The following PRKN variants were observed in gnomAD, a reference collection of about 807,000 sequenced individuals.
PRKN encodes the protein parkin RBR E3 ubiquitin protein ligase.
Under a neutral mutation model 59.5 loss-of-function variants are expected in PRKN, and 56 were observed. That is an observed-to-expected ratio of 0.94 (90% CI 0.76 to 1.18). PRKN has a LOEUF of 1.18. Among genes scored for constraint, PRKN ranks in the 50% most tolerant of loss-of-function variants. PRKN has a pLI of 0.00. For missense variants in PRKN, 657 were observed against 596.4 expected, an observed-to-expected ratio of 1.10 and a Z score of -1.06; for synonymous variants, 250 against 222.1, an observed-to-expected ratio of 1.13 and a Z score of -1.12.
At chr6:161,495,542 TAAA>T (rs1340421279) in intron 9 of PRKN, among the ~76,000 whole-genome samples, 1 of 152,214 alleles carries the variant, frequency 6.6e-6, no homozygotes, top group Non-Finnish European at 1.5e-5. Context: ...GTTACGCCCT[TAAA>T]GAAGGCATGT....
rs540249872 is a variant in PRKN, at chr6:161,606,884, T to A, written c.872-37468A>T. Among the ~76,000 whole-genome samples, 2 of 152,318 alleles carry A rather than the reference T, an allele frequency of 1.3e-5. 1 individual carries two copies. The highest frequency in any genetic ancestry group is 4.1e-4 in the South Asian group (2 of 4,826). ...GGCAACTTTCCCTGCTTCCCCAGGC[T>A]GAAGACAAAATGTTCTTTTCCCAGA... On this transcript the variant is annotated intron_variant, in intron 7 of 11. Transcript: ENST00000366898.
chr6:161,811,876 C>T (rs373765131), intron 6 of PRKN, among the ~76,000 whole-genome samples: 19 of 151,490 alleles, frequency 1.3e-4, no homozygotes, highest in African/African-American at 3.9e-4. Flanking sequence ...GAGTTGAGAT[C>T]GTGTCTTTGC....
intron 1 of PRKN, among the ~76,000 whole-genome samples, chr6:162,537,986 G>A (rs558779582): frequency 1.3e-5 from 2 of 152,110 alleles, no homozygotes; most frequent in African/African-American, 2.4e-5. Context: ...GGACAGCTAC[G>A]ACATTATTGT....
chr6:162,547,960 T>C (rs1227386689), intron 1 of PRKN, among the ~76,000 whole-genome samples: 1 of 152,040 alleles, frequency 6.6e-6, no homozygotes, highest in Non-Finnish European at 1.5e-5. Flanking sequence ...TATTCCTCAT[T>C]AGGCTGTGCC....
chr6:162,067,129 C>T (rs56308575), intron 4 of PRKN, among the ~76,000 whole-genome samples: 5,753 of 152,126 alleles, frequency 0.038, 144 homozygotes, highest in Non-Finnish European at 0.054. Flanking sequence ...GGTTATACAA[C>T]GTAGAGCAAC....
At chr6:161,756,207 C>G (rs1788909923) in intron 7 of PRKN, among the ~76,000 whole-genome samples, 1 of 152,044 alleles carries the variant, frequency 6.6e-6, no homozygotes, top group South Asian at 2.1e-4. Context: ...TTTGGGAGGC[C>G]AAGGCAGGCA....
intron 6 of PRKN, among the ~76,000 whole-genome samples, chr6:161,892,471 G>A (rs1028910227): frequency 5.3e-5 from 8 of 151,974 alleles, no homozygotes; most frequent in African/African-American, 1.5e-4. Context: ...CCTTTTGTTC[G>A]GTGTATGACT....
At chr6:162,169,182 A>G (rs1353577644) in intron 4 of PRKN, among the ~76,000 whole-genome samples, 1 of 152,168 alleles carries the variant, frequency 6.6e-6, no homozygotes, top group East Asian at 1.9e-4. Context: ...CCTTGTTTGG[A>G]TTTTGGTTTT....
At chr6:161,621,428 G>A (rs969165351) in intron 7 of PRKN, among the ~76,000 whole-genome samples, 2 of 152,116 alleles carry the variant, frequency 1.3e-5, no homozygotes, top group East Asian at 3.9e-4. Flanking sequence ...TGAGTCCCAA[G>A]GCTGGGGGTC....
intron 2 of PRKN, among the ~76,000 whole-genome samples, chr6:162,378,963 C>T (rs1786276942): frequency 6.6e-6 from 1 of 152,154 alleles, no homozygotes; most frequent in Non-Finnish European, 1.5e-5. Flanking sequence ...GGTAGTGACT[C>T]AATATCAAGA....
chr6:161,455,511 A>G (rs1227760347), intron 9 of PRKN, among the ~76,000 whole-genome samples: 1 of 152,138 alleles, frequency 6.6e-6, no homozygotes, highest in African/African-American at 2.4e-5. Context: ...GAGGCCTATC[A>G]GTGTAGGCTA....
intron 2 of PRKN, among the ~76,000 whole-genome samples, chr6:162,352,547 CT>C (rs1310772078): frequency 6.6e-6 from 1 of 152,128 alleles, no homozygotes; most frequent in Non-Finnish European, 1.5e-5. Context: ...TTATGAAAAA[CT>C]CTAATATGGG....
chr6:162,166,504 A>C (rs1782996039), intron 4 of PRKN, among the ~76,000 whole-genome samples: 1 of 152,168 alleles, frequency 6.6e-6, no homozygotes, highest in African/African-American at 2.4e-5. Context: ...ATAACATTCC[A>C]CCGGATATAA....
At chr6:161,897,567 G>A (rs1335159544) in intron 6 of PRKN, among the ~76,000 whole-genome samples, 2 of 152,084 alleles carry the variant, frequency 1.3e-5, no homozygotes, top group Non-Finnish European at 2.9e-5. Flanking sequence ...ATAAATAACA[G>A]ATGTGGGTAC....
At chr6:162,289,559 T>C (rs2128108797) in intron 2 of PRKN, among the ~76,000 whole-genome samples, 1 of 151,998 alleles carries the variant, frequency 6.6e-6, no homozygotes, top group East Asian at 1.9e-4. Context: ...TAGCCGGGCA[T>C]GATGGCAGGT....
In PRKN at chr6:161,566,239, C is replaced by T. The variant is rs79306839; in HGVS notation, c.933+3116G>A. On this transcript the variant is annotated intron_variant, in intron 8 of 11. Transcript: ENST00000366898. The surrounding 1 kb of genome is among the most constrained non-coding windows in gnomAD (Gnocchi z 4.1). Reference sequence around the variant, plus strand: ...CGAGGCAGGCTTTCCCCTCACTGCCCATGGTCAAGGTTACCAAGGACCTCC... The same window carrying T: ...CGAGGCAGGCTTTCCCCTCACTGCCTATGGTCAAGGTTACCAAGGACCTCC... 3.1e-4 allele frequency among the ~76,000 whole-genome samples: 47 copies of T among 152,300 alleles called. No individual in the cohort carries two copies. The East Asian group carries it at 7.7e-3, about 25-fold the overall frequency.
chr6:162,660,506 C>T (rs1447579512), intron 1 of PRKN, among the ~76,000 whole-genome samples: 4 of 152,172 alleles, frequency 2.6e-5, no homozygotes, highest in Admixed American at 2.0e-4. Context: ...ACTATTTTCT[C>T]GTAGAGTCTT....
rs1053050236 is a variant in PRKN, at chr6:161,400,190, C to T, written c.1084-13313G>A. 1.3e-5 allele frequency among the ~76,000 whole-genome samples: 2 copies of T among 151,912 alleles called. No homozygotes were observed. Among genetic ancestry groups the T allele is most frequent in the Non-Finnish European group, 2.9e-5 (2 of 67,994 alleles). On this transcript the variant is annotated intron_variant, in intron 9 of 11. Transcript: ENST00000366898. This position sits in a 1 kb window ranked among gnomAD's most constrained non-coding sequence, Gnocchi z 4.2. ...CCCTGCTGTCTGAGGACTCCTTGCA[C>T]GATGCAGAGTTCAGTTAAGGGTCCA...
At chr6:161,522,167 C>T (rs1042579915) in intron 9 of PRKN, among the ~76,000 whole-genome samples, 2 of 152,100 alleles carry the variant, frequency 1.3e-5, no homozygotes, top group Non-Finnish European at 2.9e-5. Context: ...GTGCTACCTC[C>T]CCAGCACGTT....
Sources: allele counts gnomAD v4.1 joint callset (sites outside exome capture counted in the v4.1 genomes callset), GRCh38; gene constraint gnomAD v4.1.1; non-coding constraint Gnocchi (gnomAD v3.1); transcripts MANE v1.5; gene names NCBI Gene and HGNC (gene_info 2026-07-23, HGNC 2026-07-21).